C10orf71: variants seen among roughly 807,000 people sequenced by gnomAD.
C10orf71 encodes the protein cardiac-enriched FHL2-interacting protein.
For synonymous variants in C10orf71, 758 were observed against 726.3 expected (o/e 1.04, Z -0.70); for missense variants, 1,869 against 1,804.5 (o/e 1.04, Z -0.65).
rs747276832 is a variant in C10orf71 at position 49,324,032 on chromosome 10, C to A, written c.1487C>A (p.Ala496Asp). 6.2e-7 allele frequency: 1 copy of A among 1,613,718 alleles called. No individual in the cohort carries two copies. The highest frequency in any genetic ancestry group is 8.5e-7 in the Non-Finnish European group (1 of 1,179,756). Residue 496 changes from alanine to aspartate, a missense_variant, in exon 3 of 3, where the codon GCC (alanine) becomes GAC (aspartate). Transcript: ENST00000374144. Reference protein sequence around the residue: ...CQSRDSYKSKAPSLLFNLKDV... With the variant: ...CQSRDSYKSKDPSLLFNLKDV... Reference sequence around the variant, plus strand: ...TCTCGAGACAGCTACAAGTCCAAAGCCCCTAGCCTGCTGTTCAACCTCAAG... The same window carrying A: ...TCTCGAGACAGCTACAAGTCCAAAGACCCTAGCCTGCTGTTCAACCTCAAG...
At position 49,326,549 on chromosome 10, in the gene C10orf71, A is replaced by AC. The variant is rs1849254416; in HGVS notation, c.4008dup (p.Gly1337ArgfsTer55). On this transcript the variant is annotated frameshift_variant, in exon 3 of 3. Coordinates refer to ENST00000374144, the MANE Select transcript of C10orf71 (RefSeq NM_001135196.2). LOFTEE classifies it low-confidence loss of function (END_TRUNC). The stretch of plus-strand genomic sequence containing the variant: ...GCCCTGGCCGCTCCCTATGTGCTGT[A>AC]CCCCGGCTTCCAGCCAGTGCCCGTG... The AC allele has an allele frequency of 1.9e-6, 3 of 1,550,436 alleles. No homozygotes were observed. Among genetic ancestry groups the AC allele is most frequent in the Non-Finnish European group, 2.6e-6 (3 of 1,146,850 alleles).
At chr10:49,309,674 G>A (rs983563701) in intron 1 of C10orf71, among the ~76,000 whole-genome samples, 14 of 152,308 alleles carry the variant, frequency 9.2e-5, no homozygotes, top group East Asian at 3.9e-4. Flanking sequence ...ACCCTGTGGC[G>A]TGGGGTGGTG....
At position 49,327,024 on chromosome 10, in the gene C10orf71, A is replaced by C; in HGVS notation, c.*171A>C. 1 of 1,573,062 alleles carries C rather than the reference A, an allele frequency of 6.4e-7. No homozygotes were observed. The highest frequency in any genetic ancestry group is 1.7e-5 in the Admixed American group (1 of 57,604). On this transcript the variant is annotated 3_prime_UTR_variant, in exon 3 of 3. Coordinates refer to ENST00000374144, the MANE Select transcript of C10orf71 (RefSeq NM_001135196.2). Reference sequence around the variant, plus strand: ...AAGTCCAGAAGGCAGTAGGGATCCCAAGACGACCTCACCCAAAGGGCTCCC... The same window carrying C: ...AAGTCCAGAAGGCAGTAGGGATCCCCAGACGACCTCACCCAAAGGGCTCCC...
chr10:49,310,830 A>G (rs1404826081), intron 1 of C10orf71, among the ~76,000 whole-genome samples: 2 of 152,086 alleles, frequency 1.3e-5, no homozygotes, highest in African/African-American at 2.4e-5. Flanking sequence ...AAGAAGAAGA[A>G]GAGGAGGAAG....
intron 1 of C10orf71, among the ~76,000 whole-genome samples, chr10:49,304,055 G>C (rs893752925): frequency 6.6e-6 from 1 of 152,222 alleles, no homozygotes; most frequent in Non-Finnish European, 1.5e-5. Context: ...ACACAGCTTT[G>C]TGGCTTCCAG....
intron 2 of C10orf71, among the ~76,000 whole-genome samples, chr10:49,317,426 T>TA (rs558835884): frequency 7.2e-5 from 11 of 152,058 alleles, no homozygotes; most frequent in East Asian, 3.8e-4. Flanking sequence ...ATGCACCCTC[T>TA]AAAAAAAATC....
In C10orf71 at chr10:49,324,232, G is replaced by A. The variant is rs780148185; in HGVS notation, c.1687G>A (p.Asp563Asn). The change falls in exon 3 of 3, where the codon GAT becomes AAT. Residue 563 changes from aspartate (D) to asparagine (N), a missense_variant. Coordinates refer to ENST00000374144, the MANE Select transcript of C10orf71 (RefSeq NM_001135196.2). ...PNELSKERPADDPTASHINPQ... is the reference protein window; with the variant it reads ...PNELSKERPANDPTASHINPQ... ...TGAGCTTTCTAAGGAGAGACCCGCT[G>A]ATGACCCCACTGCATCACACATCAA... 1 of 1,613,976 alleles carries A rather than the reference G, an allele frequency of 6.2e-7. No individual in the cohort carries two copies. Among genetic ancestry groups the A allele is most frequent in the Non-Finnish European group, 8.5e-7 (1 of 1,179,896 alleles).
At chr10:49,308,208 G>T (rs926405662) in intron 1 of C10orf71, among the ~76,000 whole-genome samples, 1 of 152,172 alleles carries the variant, frequency 6.6e-6, no homozygotes, top group African/African-American at 2.4e-5. Context: ...CACAACCCCT[G>T]GGGCATCCTG....
intron 1 of C10orf71, among the ~76,000 whole-genome samples, chr10:49,300,737 C>T (rs189856094): frequency 3.9e-5 from 6 of 152,280 alleles, no homozygotes; most frequent in Non-Finnish European, 8.8e-5. Flanking sequence ...TAGCCTTCCC[C>T]GGGTGACCCA....
Position 49,326,044 on chromosome 10 carries a change from G to A in C10orf71, c.3499G>A (p.Ala1167Thr). ...LELPAQLERT[A>T]SKPPAVPPKT... ...GCTTCCTGCACAGCTAGAGAGGACA[G>A]CAAGCAAGCCACCTGCAGTCCCACC... is the stretch of plus-strand genomic sequence containing the variant. The change falls in exon 3 of 3, where the codon GCA (alanine) becomes ACA (threonine). Residue 1167 changes from alanine (A) to threonine (T), a missense_variant. Ala to Thr is a moderately conservative substitution (Grantham distance 58). Coordinates refer to ENST00000374144, the MANE Select transcript of C10orf71 (RefSeq NM_001135196.2). The A allele has an allele frequency of 6.4e-7, 1 of 1,551,732 alleles. No homozygotes were observed. The highest frequency in any genetic ancestry group is 1.2e-5 in the South Asian group (1 of 84,066).
Position 49,327,099 on chromosome 10 carries a change from G to T in C10orf71, c.*246G>T. 4 of 1,382,294 alleles carry T rather than the reference G, an allele frequency of 2.9e-6. No homozygotes were observed. The highest frequency in any genetic ancestry group is 2.9e-6 in the Non-Finnish European group (3 of 1,034,626). 85.6% of individuals were successfully genotyped at this position (1,382,294 alleles called of 1,614,324 possible). ...CTGCTTGCTTGGCCCGGTCCCCTCC[G>T]TGCCAGTTCCCAGGCGCACTCTACT... On this transcript the variant is annotated 3_prime_UTR_variant, in exon 3 of 3. Transcript: ENST00000374144.
chr10:49,302,732 C>T (rs1416700309), intron 1 of C10orf71, among the ~76,000 whole-genome samples: 1 of 152,224 alleles, frequency 6.6e-6, no homozygotes, highest in African/African-American at 2.4e-5. Context: ...AGAGTCAAAA[C>T]CTCCCTTAGG....
At chr10:49,301,025 G>A (rs1453011133) in intron 1 of C10orf71, among the ~76,000 whole-genome samples, 1 of 152,134 alleles carries the variant, frequency 6.6e-6, no homozygotes, top group Non-Finnish European at 1.5e-5. Flanking sequence ...TGACCCTAAG[G>A]AAGCCCTGGA....
intron 1 of C10orf71, among the ~76,000 whole-genome samples, chr10:49,311,287 C>T (rs932329915): frequency 2.6e-5 from 4 of 152,200 alleles, no homozygotes; most frequent in East Asian, 3.9e-4. Context: ...TGAGTCTTCT[C>T]CCCTACACTT....
chr10:49,320,061 A>G (rs1849068851), intron 2 of C10orf71, among the ~76,000 whole-genome samples: 1 of 152,184 alleles, frequency 6.6e-6, no homozygotes, highest in Non-Finnish European at 1.5e-5. Flanking sequence ...GATTGATTGC[A>G]TGAACATACG....
chr10:49,303,018 G>T (rs1445153874), intron 1 of C10orf71, among the ~76,000 whole-genome samples: 1 of 152,192 alleles, frequency 6.6e-6, no homozygotes, highest in Non-Finnish European at 1.5e-5. Context: ...AAAGTTCCCA[G>T]CACGTGGTAG....
chr10:49,321,010 T>C (rs948581254), intron 2 of C10orf71, among the ~76,000 whole-genome samples: 12 of 152,144 alleles, frequency 7.9e-5, no homozygotes. Context: ...TGCATAAAAC[T>C]ATCCATCACC....
chr10:49,299,400 G>A (rs1848685153), intron 1 of C10orf71, 167 bp downstream of exon 1: 1 of 152,546 alleles, frequency 6.6e-6, no homozygotes, highest in South Asian at 2.1e-4. Context: ...GCAGAGCCGG[G>A]TTTCTCTCCC....
chr10:49,326,121 G>A lies in C10orf71; in HGVS notation c.3576G>A (p.Arg1192=). The change falls in exon 3 of 3, where the codon AGG becomes AGA. Residue 1192 remains arginine, a synonymous_variant. Coordinates refer to ENST00000374144, the MANE Select transcript of C10orf71 (RefSeq NM_001135196.2). ...RRAKKLASKR[R]KTDQAQEKHG... ...CAAAGAAGCTGGCAAGTAAGAGGAG[G>A]AAGACGGATCAGGCTCAGGAGAAGC... 3 of 1,551,748 alleles carry A rather than the reference G, an allele frequency of 1.9e-6. No individual in the cohort carries two copies. In the African/African-American group the frequency reaches 4.1e-5, roughly 21 times the overall value.
Sources: gnomAD v4.1 joint callset for allele counts (sites outside exome capture counted in the v4.1 genomes callset) on GRCh38, gnomAD v4.1.1 for gene constraint, MANE v1.5 for transcripts, NCBI Gene and HGNC (gene_info 2026-07-23, HGNC 2026-07-21) for gene names.